Variants in PAPPA observed in about 807,000 individuals in gnomAD.
PAPPA encodes the protein pappalysin 1, also known as pappalysin-1.
Under a neutral mutation model 164.0 loss-of-function variants are expected in PAPPA, and 60 were observed. That is an observed-to-expected ratio of 0.37 (90% CI 0.30 to 0.45). The LOEUF is 0.45. PAPPA is among the 20% of genes least tolerant of loss of function. The pLI is 1.00. For missense variants in PAPPA, 1,782 were observed against 2,087.3 expected (o/e 0.85, Z 2.85); for synonymous variants, 875 against 814.1 (o/e 1.07, Z -1.27).
chr9:116,173,508 C>G (rs969602501), intron 1 of PAPPA, among the ~76,000 whole-genome samples: 2 of 152,202 alleles, frequency 1.3e-5, no homozygotes, highest in Admixed American at 1.3e-4. Flanking sequence ...AAGATTCATT[C>G]TTTTCTATGG....
chr9:116,191,731 C>G lies in PAPPA; in HGVS notation c.1478+3515C>G, dbSNP rs1049160104. ...GAGTAGGCATTTGAGAATAGGCAGC[C>G]TGCTGAGAGGTAAAGATGCAGACTC... is the stretch of plus-strand genomic sequence containing the variant. On this transcript the variant is annotated intron_variant, in intron 2 of 21. Coordinates refer to ENST00000328252, the MANE Select transcript of PAPPA (RefSeq NM_002581.5). 3.3e-5 allele frequency among the ~76,000 whole-genome samples: 5 copies of G among 152,128 alleles called. No individual in the cohort carries two copies. The East Asian group carries it at 9.7e-4, about 29-fold the overall frequency.
chr9:116,233,850 G>A (rs1844627844), intron 6 of PAPPA, among the ~76,000 whole-genome samples: 1 of 151,540 alleles, frequency 6.6e-6, no homozygotes, highest in Non-Finnish European at 1.5e-5. Context: ...GAAATGTCTA[G>A]GGTCACCACC....
In PAPPA at chr9:116,227,490, C is replaced by T; in HGVS notation, c.2171C>T (p.Ser724Phe). Residue 724 changes from serine to phenylalanine, a missense_variant, in exon 6 of 22, where the codon TCC (serine) becomes TTC (phenylalanine). By Grantham distance (155) the Ser-to-Phe change is radical. This residue lies in a region of PAPPA where 1,324 missense variants were observed against 1,656.9 expected (regional missense o/e 0.80). Transcript: ENST00000328252. The part of the protein sequence containing the change: ...LEGRILVQYA[S>F]NASSPMPCSP... ...GGGAGAATCCTGGTGCAGTATGCTT[C>T]CAACGCTTCCTCCCCAATGCCCTGC... 1 of 1,614,102 alleles carries T rather than the reference C, an allele frequency of 6.2e-7. No individual in the cohort carries two copies. Among genetic ancestry groups the T allele is most frequent in the South Asian group, 1.1e-5 (1 of 91,086 alleles).
At chr9:116,328,511 G>T (rs571178414) in intron 10 of PAPPA, among the ~76,000 whole-genome samples, 1 of 152,292 alleles carries the variant, frequency 6.6e-6, no homozygotes, top group Non-Finnish European at 1.5e-5. Flanking sequence ...TTCTCAAGAA[G>T]TTACCAGTGA....
chr9:116,273,409 A>G (rs1022974222), intron 9 of PAPPA, among the ~76,000 whole-genome samples: 4 of 152,232 alleles, frequency 2.6e-5, no homozygotes, highest in Admixed American at 6.5e-5. Context: ...TCATGCTACA[A>G]TGAGAGTTCA....
intron 13 of PAPPA, 151 bp downstream of exon 13, chr9:116,335,225 T>C: frequency 1.5e-6 from 1 of 662,006 alleles, no homozygotes; most frequent in Middle Eastern, 4.1e-4. Flanking sequence ...CGGCTCTGCC[T>C]TGTGGCCCAT....
Position 116,332,462 on chromosome 9 carries a change from G to A in PAPPA, c.3391G>A (p.Asp1131Asn), listed in dbSNP as rs1306684113. Residue 1131 changes from aspartate to asparagine, a missense_variant, in exon 12 of 22, where the codon GAT becomes AAT. Transcript: ENST00000328252. ...GCTTGATACCAAAGATCAGAGCCACGATCTAGGTAAGCATGCTCTCTTGGT... is the reference window on the plus strand; with the variant it reads ...GCTTGATACCAAAGATCAGAGCCACAATCTAGGTAAGCATGCTCTCTTGGT... Reference protein sequence around the residue: ...QLLDTKDQSHDLGLHVLSCRN... With the variant: ...QLLDTKDQSHNLGLHVLSCRN... 5.6e-6 allele frequency: 9 copies of A among 1,612,518 alleles called. No individual in the cohort carries two copies. Among genetic ancestry groups the A allele is most frequent in the African/African-American group, 4.0e-5 (3 of 74,928 alleles).
intron 10 of PAPPA, among the ~76,000 whole-genome samples, chr9:116,311,197 A>G (rs1845714145): frequency 6.6e-6 from 1 of 151,994 alleles, no homozygotes; most frequent in South Asian, 2.1e-4. Context: ...GAACCTCTCA[A>G]TCCCATCCGT....
intron 4 of PAPPA, among the ~76,000 whole-genome samples, chr9:116,213,028 T>C (rs920003701): frequency 5.3e-5 from 8 of 152,176 alleles, no homozygotes; most frequent in African/African-American, 1.9e-4. Flanking sequence ...TTGTATTTCT[T>C]CTAAAGAGAG....
chr9:116,172,637 A>G (rs1202413643), intron 1 of PAPPA, among the ~76,000 whole-genome samples: 3 of 152,068 alleles, frequency 2.0e-5, no homozygotes, highest in African/African-American at 7.2e-5. Flanking sequence ...GCTTTTTCAC[A>G]TTTGTTTTCC....
intron 1 of PAPPA, among the ~76,000 whole-genome samples, chr9:116,168,270 AT>A (rs1204340711): frequency 6.6e-6 from 1 of 152,142 alleles, no homozygotes; most frequent in African/African-American, 2.4e-5. Context: ...CTTCTATTTC[AT>A]ATGTAGTTAT....
At chr9:116,256,880 T>A (rs1233905758) in intron 7 of PAPPA, among the ~76,000 whole-genome samples, 1 of 151,818 alleles carries the variant, frequency 6.6e-6, no homozygotes, top group African/African-American at 2.4e-5. Flanking sequence ...GATACAGAAC[T>A]AAATTATGAA....
chr9:116,158,843 C>T (rs1843631981), intron 1 of PAPPA, among the ~76,000 whole-genome samples: 1 of 152,134 alleles, frequency 6.6e-6, no homozygotes, highest in Non-Finnish European at 1.5e-5. Context: ...ATCTGAGTTT[C>T]AGAGAGTTGA....
chr9:116,350,670 G>T (rs1846269623), intron 15 of PAPPA, among the ~76,000 whole-genome samples: 3 of 152,306 alleles, frequency 2.0e-5, no homozygotes, highest in South Asian at 2.1e-4. Flanking sequence ...AATTTGGAGA[G>T]GGTGTGCTTC....
intron 7 of PAPPA, among the ~76,000 whole-genome samples, chr9:116,254,657 C>T (rs1170926562): frequency 1.3e-5 from 2 of 151,702 alleles, no homozygotes; most frequent in Non-Finnish European, 2.9e-5. Flanking sequence ...TGGTGGGCGC[C>T]TGTAATCCCA....
At chr9:116,278,026 T>A (rs1161287320) in intron 9 of PAPPA, among the ~76,000 whole-genome samples, 1 of 152,212 alleles carries the variant, frequency 6.6e-6, no homozygotes, top group Non-Finnish European at 1.5e-5. Flanking sequence ...AGATAAATAA[T>A]GTTATCCCCG....
intron 1 of PAPPA, among the ~76,000 whole-genome samples, chr9:116,169,641 G>A (rs1323036386): frequency 6.6e-6 from 1 of 151,614 alleles, no homozygotes; most frequent in Non-Finnish European, 1.5e-5. Context: ...TTCTTAGAAA[G>A]AGCTGCTAAG....
chr9:116,330,057 G>T (rs2118945925), intron 10 of PAPPA, among the ~76,000 whole-genome samples: 1 of 152,112 alleles, frequency 6.6e-6, no homozygotes, highest in South Asian at 2.1e-4. Flanking sequence ...GTTTGATCTT[G>T]TTGAGGATAT....
intron 1 of PAPPA, among the ~76,000 whole-genome samples, chr9:116,169,307 A>ATTTTTTTTTTT (rs1843748582): frequency 1.5e-4 from 6 of 41,314 alleles, no homozygotes; most frequent in Non-Finnish European, 4.0e-4. Flanking sequence ...CTCCAAACCC[A>ATTTTTTTTTTT]TTCTTTTTTT....
Sources: gnomAD v4.1 joint callset for allele counts (sites outside exome capture counted in the v4.1 genomes callset) on GRCh38, gnomAD v4.1.1 for gene constraint, gnomAD v4.1.1 regional missense constraint, MANE v1.5 for transcripts, NCBI Gene and HGNC (gene_info 2026-07-23, HGNC 2026-07-21) for gene names.